Variants in BRWD1 observed in about 807,000 individuals in gnomAD.
BRWD1 encodes bromodomain and WD repeat-containing protein 1.
A neutral mutation model predicts 251.2 loss-of-function variants in BRWD1; 82 were observed. The observed-to-expected ratio is 0.33, with a 90% CI of 0.27 to 0.39. The LOEUF is 0.39. BRWD1 is among the 10% of genes least tolerant of loss of function. BRWD1 has a pLI of 1.00. For synonymous variants in BRWD1, 918 were observed against 902.8 expected (o/e 1.02, Z -0.30); for missense variants, 2,233 against 2,711.6 (o/e 0.82, Z 3.92).
chr21:39,264,112 A>C (rs2146652231), intron 17 of BRWD1, among the ~76,000 whole-genome samples: 1 of 152,322 alleles, frequency 6.6e-6, no homozygotes, highest in Middle Eastern at 3.4e-3. Context: ...TGTGGTCCCA[A>C]ATAAAAATTG....
At chr21:39,298,978 C>G (rs1568968713) in intron 4 of BRWD1, among the ~76,000 whole-genome samples, 1 of 152,320 alleles carries the variant, frequency 6.6e-6, no homozygotes, top group East Asian at 1.9e-4. Context: ...AATCTCAGCA[C>G]TTTGTAAGGC....
At chr21:39,227,540 C>T (rs1465571613) in intron 27 of BRWD1, among the ~76,000 whole-genome samples, 1 of 151,928 alleles carries the variant, frequency 6.6e-6, no homozygotes, top group Non-Finnish European at 1.5e-5. Flanking sequence ...TAATTTAGTA[C>T]CTACATTGAG....
intron 4 of BRWD1, among the ~76,000 whole-genome samples, chr21:39,312,130 A>G (rs1488439227): frequency 6.6e-6 from 1 of 152,258 alleles, no homozygotes; most frequent in Non-Finnish European, 1.5e-5. Context: ...CAAGTTATAT[A>G]GAAACATTAA....
Position 39,225,061 on chromosome 21 carries a change from G to A in BRWD1, c.3320+25C>T, listed in dbSNP as rs113267832. 8.0e-5 allele frequency: 115 copies of A among 1,429,568 alleles called. 5 individuals carry two copies. In the African/African-American group the frequency reaches 9.6e-4, roughly 12 times the overall value. The allele number at this position is 1,429,568 out of a possible 1,614,324, so 88.6% of individuals were successfully genotyped here. A position where few individuals can be genotyped will look rare whatever the true frequency, so the allele number is the denominator to read the frequency against. ...CTGCCACACTGAATTACTGGGAAAT[G>A]ATTAGTTTTCATCTGTATACAAACC... On this transcript the variant is annotated intron_variant, in intron 28 of 40. Transcript: ENST00000342449.
chr21:39,218,168 C>T lies in BRWD1; in HGVS notation c.3643G>A (p.Val1215Ile). ...TCTACTAACCTGTAAAATCGATTAACAAGTCTCATTCGAATTGTGTAAAGA... is the reference window on the plus strand; with the variant it reads ...TCTACTAACCTGTAAAATCGATTAATAAGTCTCATTCGAATTGTGTAAAGA... ...TDLYTIRMRL[V>I]NRFYRRLSAL... Residue 1215 changes from valine to isoleucine, a missense_variant, in exon 31 of 41, where the codon GTT becomes ATT. Val to Ile is a conservative substitution (Grantham distance 29). This residue lies in a region of BRWD1 where 167 missense variants were observed against 183.2 expected (regional missense o/e 0.91). Coordinates refer to ENST00000342449, the MANE Select transcript of BRWD1 (RefSeq NM_033656.4). The T allele has an allele frequency of 6.2e-7, 1 of 1,606,320 alleles. No homozygotes were observed. The highest frequency in any genetic ancestry group is 8.5e-7 in the Non-Finnish European group (1 of 1,177,968).
chr21:39,219,145 G>A (rs925044266), intron 29 of BRWD1, among the ~76,000 whole-genome samples: 1 of 152,206 alleles, frequency 6.6e-6, no homozygotes, highest in Non-Finnish European at 1.5e-5. Context: ...GGAGAAGCAG[G>A]CAGGGTGGCT....
intron 9 of BRWD1, among the ~76,000 whole-genome samples, 187 bp from the exon 10 acceptor site, chr21:39,279,000 G>T (rs749421155): frequency 3.3e-5 from 5 of 152,088 alleles, no homozygotes; most frequent in African/African-American, 4.8e-5. Flanking sequence ...CTCCCTAGTG[G>T]CTGGGGACCA....
chr21:39,313,782 G>T (rs886397651), upstream of BRWD1: 2 of 384,150 alleles, frequency 5.2e-6, no homozygotes, highest in African/African-American at 2.2e-5. Flanking sequence ...TGCCTCCGGG[G>T]ACTCGATGAG....
intron 31 of BRWD1, 135 bp from the exon 32 acceptor site, chr21:39,215,497 C>G: frequency 1.4e-6 from 1 of 722,472 alleles, no homozygotes. Flanking sequence ...GAATAACCTT[C>G]TAATGCTCTC....
intron 21 of BRWD1, among the ~76,000 whole-genome samples, chr21:39,241,210 A>T (rs2033980267): frequency 6.6e-6 from 1 of 152,038 alleles, no homozygotes; most frequent in African/African-American, 2.4e-5. Flanking sequence ...TCACGCCTGT[A>T]ATCCCAGCAT....
At chr21:39,294,164 TA>T in intron 7 of BRWD1, 132 bp from the exon 8 acceptor site, 1 of 723,302 alleles carries the variant, frequency 1.4e-6, no homozygotes, top group Non-Finnish European at 2.2e-6. Context: ...ATTTATGTAA[TA>T]AATTATGACT....
In BRWD1 at chr21:39,270,369, T is replaced by G; in HGVS notation, c.1309A>C (p.Asn437His). 6.2e-7 allele frequency: 1 copy of G among 1,612,982 alleles called. No homozygotes were observed. Among genetic ancestry groups the G allele is most frequent in the Admixed American group, 1.7e-5 (1 of 59,866 alleles). The change falls in exon 14 of 41, where the codon AAT becomes CAT. Residue 437 changes from asparagine (N) to histidine (H), a missense_variant. Transcript: ENST00000342449. ...ACAGCTGTGACAACAATGCTATCATTTTGATTCCAAGCTATCATTGTTACT... is the reference window on the plus strand; with the variant it reads ...ACAGCTGTGACAACAATGCTATCATGTTGATTCCAAGCTATCATTGTTACT... The part of the protein sequence containing the change: ...PKVTMIAWNQ[N>H]DSIVVTAVND...
chr21:39,286,059 G>A (rs1376083007), intron 8 of BRWD1, among the ~76,000 whole-genome samples: 1 of 125,144 alleles, frequency 8.0e-6, no homozygotes, highest in African/African-American at 3.2e-5. Flanking sequence ...CTGTCGCCCA[G>A]GCTAGAGTGC....
At chr21:39,236,487 C>G in intron 23 of BRWD1, 108 bp downstream of exon 23, 1 of 1,055,102 alleles carries the variant, frequency 9.5e-7, no homozygotes, top group South Asian at 1.7e-5. Flanking sequence ...CCAAGACACC[C>G]AAGGCACCAC....
chr21:39,191,433 G>A lies in BRWD1; in HGVS notation c.*4826C>T, dbSNP rs751700234. On this transcript the variant is annotated 3_prime_UTR_variant, in exon 41 of 41. Transcript: ENST00000342449. ...GTTTTTTAACTCTTTTGCTTGTTAA[G>A]ATGAAAATGCTAAATTTATTATATC... 1 of 984,150 alleles carries A rather than the reference G, an allele frequency of 1.0e-6. No individual in the cohort carries two copies. Among genetic ancestry groups the A allele is most frequent in the Non-Finnish European group, 1.2e-6 (1 of 828,990 alleles). 61.0% of individuals were successfully genotyped at this position (984,150 alleles called of 1,614,324 possible). A position where few individuals can be genotyped will look rare whatever the true frequency, so the allele number is the denominator to read the frequency against.
chr21:39,264,396 A>G (rs1394513511), intron 17 of BRWD1, 64 bp downstream of exon 17: 3 of 994,076 alleles, frequency 3.0e-6, no homozygotes, highest in Non-Finnish European at 1.4e-6. Flanking sequence ...GAAATTATTT[A>G]TATTATACTT....
In BRWD1 at chr21:39,225,091, A is replaced by G. The variant is rs769376903; in HGVS notation, c.3315T>C (p.Ile1105=). 1.9e-6 allele frequency: 3 copies of G among 1,592,590 alleles called. No homozygotes were observed. The African/African-American group carries it at 4.0e-5, about 21-fold the overall frequency. ...QYPDSHFQCY[I]VRWDNTEIEK... is the part of the protein sequence containing the mutation. ...GTTTTCATCTGTATACAAACCTAAC[A>G]ATATAACACTGGAAATGACTATCAG... Residue 1105 remains isoleucine, a synonymous_variant, in exon 28 of 41, where the codon ATT becomes ATC. Coordinates refer to ENST00000342449, the MANE Select transcript of BRWD1 (RefSeq NM_033656.4).
In BRWD1 at chr21:39,264,698, A is replaced by G; in HGVS notation, c.1660-13T>C. On this transcript the variant is annotated splice_polypyrimidine_tract_variant and intron_variant, in intron 16 of 40. Coordinates refer to ENST00000342449, the MANE Select transcript of BRWD1 (RefSeq NM_033656.4). ...TCTGATCAGGAATCTAGAAAAATGA[A>G]GTTCACAGGATGACATTTTAAGGTT... is the stretch of plus-strand genomic sequence containing the variant. 6.4e-7 allele frequency: 1 copy of G among 1,572,634 alleles called. No individual in the cohort carries two copies. The highest frequency in any genetic ancestry group is 1.1e-5 in the South Asian group (1 of 87,508).
chr21:39,285,766 C>A (rs556812871), intron 8 of BRWD1, among the ~76,000 whole-genome samples: 1 of 148,416 alleles, frequency 6.7e-6, no homozygotes, highest in Non-Finnish European at 1.5e-5. Flanking sequence ...ACTCAAAAAA[C>A]ACACACAAAA....
Sources: gnomAD v4.1 joint callset for allele counts (sites outside exome capture counted in the v4.1 genomes callset) on GRCh38, gnomAD v4.1.1 for gene constraint, gnomAD v4.1.1 regional missense constraint, MANE v1.5 for transcripts, NCBI Gene and HGNC (gene_info 2026-07-23, HGNC 2026-07-21) for gene names.